IFT140: variants seen among roughly 807,000 people sequenced by gnomAD.
IFT140 encodes the protein intraflagellar transport protein 140 homolog.
In IFT140, 133 loss-of-function variants were observed where a neutral mutation model predicts 164.6. That is an observed-to-expected ratio of 0.81 (90% CI 0.70 to 0.93). The LOEUF (loss-of-function observed/expected upper bound fraction) is 0.93, where lower values mean the gene tolerates loss of function less well. IFT140 is among the 40% of genes least tolerant of loss of function. The probability of loss-of-function intolerance (pLI) is 0.00; values close to 1 mark genes in which losing one functional copy is unlikely to be tolerated. For missense variants in IFT140, 2,045 were observed against 1,972.3 expected (o/e 1.04, Z -0.70); for synonymous variants, 860 against 817.3 (o/e 1.05, Z -0.89).
rs547702524 is a variant in IFT140 at position 1,526,730 on chromosome 16, C to G, written c.2466G>C (p.Val822=). ...GGGCATGGCCCATGTTCCCCAGGCA[C>G]ACCTTGGCCACGTCCAGCCGCTGGG... ...VKTQRLDVAK[V]CLGNMGHARG... The change falls in exon 20 of 31, where the codon GTG becomes GTC. Residue 822 remains valine, a synonymous_variant. Coordinates refer to ENST00000426508, the MANE Select transcript of IFT140 (RefSeq NM_014714.4). 1 of 1,609,560 alleles carries G rather than the reference C, an allele frequency of 6.2e-7. No homozygotes were observed. The highest frequency in any genetic ancestry group is 2.2e-5 in the East Asian group (1 of 44,752).
rs1362491887 is a variant in IFT140 at position 1,525,829 on chromosome 16, C to A, written c.2768+58G>T. ...ACCTCACCACAGCACACACAAGAGG[C>A]CTCACAAGCCAGGGCCATCCAGAGA... On this transcript the variant is annotated intron_variant, in intron 21 of 30. Coordinates refer to ENST00000426508, the MANE Select transcript of IFT140 (RefSeq NM_014714.4). 21 of 1,439,572 alleles carry A rather than the reference C, an allele frequency of 1.5e-5. No individual in the cohort carries two copies. In the African/African-American group the frequency reaches 2.8e-4, roughly 19 times the overall value. 89.2% of individuals were successfully genotyped at this position (1,439,572 alleles called of 1,614,324 possible).
At chr16:1,580,707 G>C in intron 13 of IFT140, 52 bp downstream of exon 13, 1 of 1,194,728 alleles carries the variant, frequency 8.4e-7, no homozygotes, top group Non-Finnish European at 1.3e-6. Context: ...TCAATTGAGA[G>C]GCAGGATTTC....
At chr16:1,594,775 C>G (rs2035366497) in intron 4 of IFT140, among the ~76,000 whole-genome samples, 1 of 152,180 alleles carries the variant, frequency 6.6e-6, no homozygotes, top group Non-Finnish European at 1.5e-5. Context: ...CCAGGGGCAG[C>G]ATCTCAGTCT....
Position 1,555,106 on chromosome 16 carries a change from C to G in IFT140, c.2399+2829G>C, listed in dbSNP as rs1047626751. ...AAACCAAGGGACTCCACCACCAAGTCACTTCCCCTGCTCGTGCAGAGGCAC... is the reference window on the plus strand; with the variant it reads ...AAACCAAGGGACTCCACCACCAAGTGACTTCCCCTGCTCGTGCAGAGGCAC... On this transcript the variant is annotated intron_variant, in intron 19 of 30. Transcript: ENST00000426508. 5.3e-6 allele frequency: 8 copies of G among 1,517,724 alleles called. No individual in the cohort carries two copies. The South Asian group carries it at 1.0e-4, about 19-fold the overall frequency. The allele number at this position is 1,517,724 out of a possible 1,614,324, so 94.0% of individuals were successfully genotyped here. A position where few individuals can be genotyped will look rare whatever the true frequency, so the allele number is the denominator to read the frequency against.
chr16:1,592,057 G>A (rs1440705901), intron 6 of IFT140, 119 bp downstream of exon 6: 14 of 1,103,948 alleles, frequency 1.3e-5, no homozygotes, highest in Non-Finnish European at 1.8e-5. Flanking sequence ...ATCTTTCTGT[G>A]CAGCCTGCTG....
At chr16:1,516,378 G>A (rs2040344622) in intron 30 of IFT140, among the ~76,000 whole-genome samples, 1 of 152,112 alleles carries the variant, frequency 6.6e-6, no homozygotes, top group South Asian at 2.1e-4. Flanking sequence ...CTCTAGTGTG[G>A]TAAGTATGTT....
At chr16:1,599,215 C>T (rs1432912829) in intron 4 of IFT140, among the ~76,000 whole-genome samples, 3 of 82,772 alleles carry the variant, frequency 3.6e-5, no homozygotes, top group Admixed American at 3.3e-4. Context: ...CCCCTCCGCC[C>T]GGCAGCTGCC....
intron 20 of IFT140, 28 bp from the exon 21 acceptor site, chr16:1,526,105 T>C (rs2141180686): frequency 1.9e-6 from 3 of 1,552,290 alleles, no homozygotes; most frequent in South Asian, 1.2e-5. Context: ...GCAGGTGTCG[T>C]GCAGCCTCCA....
intron 19 of IFT140, among the ~76,000 whole-genome samples, chr16:1,546,193 C>T (rs2032157597): frequency 6.6e-6 from 1 of 152,232 alleles, no homozygotes; most frequent in Admixed American, 6.5e-5. Context: ...GTCATTACAG[C>T]CTCTGATGGC....
At chr16:1,576,746 G>A (rs1168012592) in intron 13 of IFT140, 3 of 152,092 alleles carry the variant, frequency 2.0e-5, no homozygotes, top group Non-Finnish European at 2.9e-5. Context: ...TATCAGCCAC[G>A]TCCATAAAGT....
intron 3 of IFT140, among the ~76,000 whole-genome samples, chr16:1,605,411 A>G (rs1209078167): frequency 6.6e-6 from 1 of 151,936 alleles, no homozygotes; most frequent in African/African-American, 2.4e-5. Context: ...TTTCTTATTT[A>G]TTTATATTTT....
chr16:1,592,032 C>T (rs943983208), intron 6 of IFT140, 144 bp downstream of exon 6: 20 of 879,626 alleles, frequency 2.3e-5, no homozygotes, highest in African/African-American at 6.8e-5. Context: ...TGCGGCACTC[C>T]GCCTGGCACA....
intron 14 of IFT140, 146 bp from the exon 15 acceptor site, chr16:1,568,480 G>C (rs1024358124): frequency 3.1e-6 from 2 of 638,670 alleles, no homozygotes; most frequent in South Asian, 3.9e-5. Flanking sequence ...ACCATGAGGT[G>C]GGGCAAACGC....
chr16:1,570,913 G>A (rs1193773378), intron 14 of IFT140, among the ~76,000 whole-genome samples: 1 of 152,064 alleles, frequency 6.6e-6, no homozygotes, highest in Non-Finnish European at 1.5e-5. Context: ...GTGCCACCAT[G>A]CCCAGCTAAT....
intron 26 of IFT140, among the ~76,000 whole-genome samples, chr16:1,523,221 A>G (rs1330111307): frequency 6.7e-6 from 1 of 149,564 alleles, no homozygotes; most frequent in African/African-American, 2.4e-5. Context: ...CCTGTCTCAA[A>G]AAAAAAAAAA....
At position 1,568,345 on chromosome 16, in the gene IFT140, G is replaced by A; in HGVS notation, c.1653-11C>T. The A allele has an allele frequency of 6.2e-7, 1 of 1,608,008 alleles. No homozygotes were observed. Among genetic ancestry groups the A allele is most frequent in the East Asian group, 2.2e-5 (1 of 44,838 alleles). Reference sequence around the variant, plus strand: ...TGTGCTTTGGCCTCTCTGCAGGGAGGAAGAGGGACCTCAGTGCCCGCCAGA... The same window carrying A: ...TGTGCTTTGGCCTCTCTGCAGGGAGAAAGAGGGACCTCAGTGCCCGCCAGA... On this transcript the variant is annotated splice_polypyrimidine_tract_variant and intron_variant, in intron 14 of 30. Coordinates refer to ENST00000426508, the MANE Select transcript of IFT140 (RefSeq NM_014714.4).
chr16:1,583,291 C>G (rs2034675572), intron 12 of IFT140, 23 bp downstream of exon 12: 1 of 1,609,100 alleles, frequency 6.2e-7, no homozygotes, highest in African/African-American at 1.3e-5. Context: ...GGGAGTGCCT[C>G]TGTCCGGGTG....
chr16:1,518,539 A>G (rs1453549270), intron 29 of IFT140, among the ~76,000 whole-genome samples, 182 bp from the exon 30 acceptor site: 5 of 151,978 alleles, frequency 3.3e-5, no homozygotes, highest in Non-Finnish European at 5.9e-5. Flanking sequence ...TCCATGTAAC[A>G]TTCTTACTGA....
chr16:1,600,577 G>A (rs1181499268), intron 4 of IFT140, among the ~76,000 whole-genome samples: 1 of 152,154 alleles, frequency 6.6e-6, no homozygotes, highest in African/African-American at 2.4e-5. Context: ...TCAACAGGGG[G>A]CTGGTTCAGT....
Sources: gnomAD v4.1 joint callset for allele counts (sites outside exome capture counted in the v4.1 genomes callset) on GRCh38, gnomAD v4.1.1 for gene constraint, MANE v1.5 for transcripts, NCBI Gene and HGNC (gene_info 2026-07-23, HGNC 2026-07-21) for gene names.